Variants in BTBD10 observed in about 807,000 individuals in gnomAD.
BTBD10 encodes BTB/POZ domain-containing protein 10.
BTBD10 carries 21 observed loss-of-function variants against 53.2 expected under a neutral mutation model. That is an observed-to-expected ratio of 0.39 (90% CI 0.28 to 0.57). BTBD10 has a LOEUF of 0.57. Ranked by LOEUF, BTBD10 falls within the 20% of genes least tolerant of loss-of-function variation. BTBD10 has a pLI of 0.53. For synonymous variants in BTBD10, 149 were observed against 192.7 expected (o/e 0.77, Z 1.88); for missense variants, 360 against 594.7 (o/e 0.61, Z 4.10).
rs1950196831 is a variant in BTBD10, at chr11:13,419,509, C to T, written c.535G>A (p.Val179Ile). 4 of 1,613,994 alleles carry T rather than the reference C, an allele frequency of 2.5e-6. No individual in the cohort carries two copies. The highest frequency in any genetic ancestry group is 3.3e-4 in the Middle Eastern group (2 of 6,062). Residue 179 changes from valine (V) to isoleucine (I), a missense_variant, in exon 4 of 9, where the codon GTT becomes ATT. Around this residue, in one of 6 missense-constraint regions of BTBD10, gnomAD observed 91 missense variants for 171.7 expected, o/e 0.53. Coordinates refer to ENST00000278174, the MANE Select transcript of BTBD10 (RefSeq NM_032320.7). ...GCAGTAAAAATGGATGGGTCTACAA[C>T]AAATCTAGTGTTATCCACTATTAGT... ...VTLIVDNTRFVVDPSIFTAQP... is the reference protein window; with the variant it reads ...VTLIVDNTRFIVDPSIFTAQP...
chr11:13,435,561 C>A (rs550283043), intron 2 of BTBD10, among the ~76,000 whole-genome samples: 2 of 152,126 alleles, frequency 1.3e-5, no homozygotes, highest in Admixed American at 1.3e-4. Flanking sequence ...GGCGCACTCT[C>A]GGCTCACTGC....
intron 2 of BTBD10, among the ~76,000 whole-genome samples, chr11:13,422,644 G>GA (rs982215301): frequency 8.7e-5 from 13 of 149,186 alleles, no homozygotes; most frequent in South Asian, 2.1e-4. Context: ...TCTGTCTCAG[G>GA]AAAAAAAAAG....
chr11:13,427,336 T>C (rs576950700), intron 2 of BTBD10, among the ~76,000 whole-genome samples: 1 of 152,128 alleles, frequency 6.6e-6, no homozygotes, highest in South Asian at 2.1e-4. Context: ...AAAGCAAGAG[T>C]GGCTATATTA....
At chr11:13,461,295 C>CA (rs1951089893) in intron 1 of BTBD10, among the ~76,000 whole-genome samples, 1 of 152,130 alleles carries the variant, frequency 6.6e-6, no homozygotes, top group Admixed American at 6.6e-5. Context: ...TTTTAAGACG[C>CA]AAGACACTGA....
intron 5 of BTBD10, among the ~76,000 whole-genome samples, chr11:13,414,501 A>G (rs1431851757): frequency 6.6e-6 from 1 of 152,054 alleles, no homozygotes; most frequent in Non-Finnish European, 1.5e-5. Context: ...AGAATACAAA[A>G]AAATTAGCCG....
At chr11:13,397,210 A>T (rs1949576216) in intron 8 of BTBD10, among the ~76,000 whole-genome samples, 1 of 152,178 alleles carries the variant, frequency 6.6e-6, no homozygotes, top group African/African-American at 2.4e-5. Context: ...TTATTGCCTC[A>T]ATTTCAGAGC....
chr11:13,443,539 C>T (rs1950701022), intron 2 of BTBD10, among the ~76,000 whole-genome samples: 2 of 151,748 alleles, frequency 1.3e-5, no homozygotes, highest in African/African-American at 2.4e-5. Flanking sequence ...GAAAAAAATA[C>T]ACATATATAT....
chr11:13,422,789 T>C (rs74749503), intron 2 of BTBD10, among the ~76,000 whole-genome samples: 5,315 of 152,328 alleles, frequency 0.035, 301 homozygotes, highest in African/African-American at 0.12. Context: ...CTCAGAATGC[T>C]GATTAAAACA....
intron 2 of BTBD10, among the ~76,000 whole-genome samples, chr11:13,434,678 C>T (rs1248152466): frequency 3.3e-5 from 5 of 152,178 alleles, no homozygotes; most frequent in South Asian, 2.1e-4. Context: ...ATCACTCTAG[C>T]TGCAAAGCAA....
chr11:13,453,967 G>T (rs7937089), intron 1 of BTBD10, among the ~76,000 whole-genome samples: 7 of 151,998 alleles, frequency 4.6e-5, no homozygotes, highest in African/African-American at 1.7e-4. Context: ...CAGAAGAATC[G>T]CTTGAACCTG....
intron 8 of BTBD10, among the ~76,000 whole-genome samples, chr11:13,394,877 A>T (rs568036936): frequency 3.2e-4 from 48 of 151,816 alleles, no homozygotes; most frequent in African/African-American, 1.2e-3. Flanking sequence ...TGAACTCATC[A>T]TTTTTTATGG....
intron 1 of BTBD10, among the ~76,000 whole-genome samples, chr11:13,451,961 A>T (rs1022384728): frequency 6.6e-6 from 1 of 152,182 alleles, no homozygotes; most frequent in African/African-American, 2.4e-5. Context: ...AAGAACAATA[A>T]CTAGAATGAA....
intron 2 of BTBD10, among the ~76,000 whole-genome samples, chr11:13,426,827 C>CAA (rs1950347890): frequency 6.6e-6 from 1 of 152,056 alleles, no homozygotes; most frequent in African/African-American, 2.4e-5. Context: ...GGAAAAGGAA[C>CAA]AAATGGGACA....
chr11:13,403,303 T>C lies in BTBD10; in HGVS notation c.1007-25A>G, dbSNP rs148095492. 6.8e-4 allele frequency: 847 copies of C among 1,241,178 alleles called. 2 individuals are homozygous for C. In the African/African-American group the frequency reaches 8.7e-3, roughly 13 times the overall value. The allele number at this position is 1,241,178 out of a possible 1,614,324, so 76.9% of individuals were successfully genotyped here. A position where few individuals can be genotyped will look rare whatever the true frequency, so the allele number is the denominator to read the frequency against. ...ACTAGAAACAAAAAGAAAAATATTA[T>C]TGTATTAAAATTAAAGGATTTAGAG... On this transcript the variant is annotated intron_variant, in intron 7 of 8. Transcript: ENST00000278174.
intron 6 of BTBD10, 118 bp from the exon 7 acceptor site, chr11:13,405,974 C>A: frequency 3.4e-6 from 3 of 879,264 alleles, no homozygotes; most frequent in Non-Finnish European, 5.2e-6. Context: ...CCTCATTTTA[C>A]ACATCATGAA....
In BTBD10 at chr11:13,405,748, C is replaced by A; in HGVS notation, c.917G>T (p.Arg306Leu). The A allele has an allele frequency of 6.2e-7, 1 of 1,613,816 alleles. No individual in the cohort carries two copies. Among genetic ancestry groups the A allele is most frequent in the Admixed American group, 1.7e-5 (1 of 60,010 alleles). Residue 306 changes from arginine (R) to leucine (L), a missense_variant, in exon 7 of 9, where the codon CGG (arginine) becomes CTG (leucine). Physicochemically the swap from Arg to Leu is moderately radical, Grantham distance 102. Around this residue, in one of 6 missense-constraint regions of BTBD10, gnomAD observed 91 missense variants for 171.7 expected, o/e 0.53. Coordinates refer to ENST00000278174, the MANE Select transcript of BTBD10 (RefSeq NM_032320.7). ...TGTAAGCACCACTATATGACATTCC[C>A]GTTCCCCACTCTGGGCACTAGCTAC... ...LMVASAQSGE[R>L]ECHIVVLTDD...
At chr11:13,436,658 C>T (rs1348121035) in intron 2 of BTBD10, among the ~76,000 whole-genome samples, 1 of 152,328 alleles carries the variant, frequency 6.6e-6, no homozygotes, top group Non-Finnish European at 1.5e-5. Context: ...AGAGCTCATG[C>T]TCCTAACTTC....
intron 1 of BTBD10, among the ~76,000 whole-genome samples, chr11:13,457,030 C>A (rs1283088848): frequency 6.6e-6 from 1 of 152,070 alleles, no homozygotes; most frequent in Non-Finnish European, 1.5e-5. Context: ...AGCATGGTGG[C>A]ACATGCCTGT....
chr11:13,403,131 A>C (rs773161110), intron 8 of BTBD10, 37 bp downstream of exon 8: 1 of 1,282,480 alleles, frequency 7.8e-7, no homozygotes, highest in Non-Finnish European at 1.1e-6. Context: ...TTTTGTTTTA[A>C]AAAGAAAACT....
Sources: allele counts gnomAD v4.1 joint callset (sites outside exome capture counted in the v4.1 genomes callset), GRCh38; gene constraint gnomAD v4.1.1; regional missense constraint gnomAD v4.1.1; transcripts MANE v1.5; gene names NCBI Gene and HGNC (gene_info 2026-07-23, HGNC 2026-07-21).